ALDH5A1: variants seen among roughly 807,000 people sequenced by gnomAD.
The protein encoded by ALDH5A1 is aldehyde dehydrogenase 5 family member A1, also known as succinate-semialdehyde dehydrogenase, mitochondrial.
A neutral mutation model predicts 54.7 loss-of-function variants in ALDH5A1; 33 were observed. That is an observed-to-expected ratio of 0.60 (90% CI 0.46 to 0.81). ALDH5A1 has a LOEUF of 0.81. Ranked by LOEUF, ALDH5A1 falls within the 30% of genes least tolerant of loss-of-function variation. ALDH5A1 has a pLI of 0.00. For missense variants in ALDH5A1, 657 were observed against 711.0 expected, an observed-to-expected ratio of 0.92 and a Z score of 0.86; for synonymous variants, 294 against 292.7, an observed-to-expected ratio of 1.00 and a Z score of -0.05.
intron 4 of ALDH5A1, among the ~76,000 whole-genome samples, chr6:24,508,294 A>G (rs932829173): frequency 7.0e-6 from 1 of 142,860 alleles, no homozygotes; most frequent in Non-Finnish European, 1.5e-5. Context: ...ACTGAGAGGC[A>G]GAGGTTGCAG....
intron 1 of ALDH5A1, among the ~76,000 whole-genome samples, chr6:24,501,414 T>C (rs1405414406): frequency 6.6e-6 from 1 of 152,184 alleles, no homozygotes; most frequent in Non-Finnish European, 1.5e-5. Context: ...AAGAAAAGTA[T>C]AGTTTGGAGA....
rs1405099148 is a variant in ALDH5A1, at chr6:24,495,245, C to T, written c.249C>T (p.Ser83=). ...CCTTCCCCGTGCAAGACCCGGCCAG[C>T]GGCGCCGCTCTGGGCATGGTAGCCG... ...AATFPVQDPA[S]GAALGMVADC... Residue 83 remains serine (S), a synonymous_variant, in exon 1 of 10, where the codon AGC becomes AGT. Transcript: ENST00000357578. 2.0e-6 allele frequency: 3 copies of T among 1,524,290 alleles called. No homozygotes were observed. The highest frequency in any genetic ancestry group is 1.4e-5 in the African/African-American group (1 of 71,104). 94.4% of individuals were successfully genotyped at this position (1,524,290 alleles called of 1,614,324 possible). A position where few individuals can be genotyped will look rare whatever the true frequency, so the allele number is the denominator to read the frequency against.
At chr6:24,529,670 G>GTTTTTTTTTTTTTT (rs55878931) in intron 8 of ALDH5A1, among the ~76,000 whole-genome samples, 4 of 86,328 alleles carry the variant, frequency 4.6e-5, no homozygotes, top group Admixed American at 1.6e-4. Context: ...TTTGGTTTGG[G>GTTTTTTTTTTTTTT]TTTTTTTTTT....
Position 24,495,291 on chromosome 6 carries a change from C to G in ALDH5A1, c.295C>G (p.Arg99Gly), listed in dbSNP as rs1399698819. 1.3e-6 allele frequency: 2 copies of G among 1,532,522 alleles called. No individual in the cohort carries two copies. The highest frequency in any genetic ancestry group is 1.7e-6 in the Non-Finnish European group (2 of 1,146,242). The allele number at this position is 1,532,522 out of a possible 1,614,324, so 94.9% of individuals were successfully genotyped here. The change falls in exon 1 of 10, where the codon CGC becomes GGC. Residue 99 changes from arginine to glycine, a missense_variant. By Grantham distance (125) the Arg-to-Gly change is moderately radical. Around this residue, in one of 2 missense-constraint regions of ALDH5A1, gnomAD observed 232 missense variants for 194.6 expected, o/e 1.19. Coordinates refer to ENST00000357578, the MANE Select transcript of ALDH5A1 (RefSeq NM_001080.3). ...MVADCGVREA[R>G]AAVRAAYEAF... is the part of the protein sequence containing the mutation. ...AGCCGACTGCGGGGTGCGAGAGGCC[C>G]GCGCCGCCGTGCGCGCTGCCTACGA...
intron 9 of ALDH5A1, among the ~76,000 whole-genome samples, 193 bp downstream of exon 9, chr6:24,532,370 A>G (rs889083231): frequency 6.6e-6 from 1 of 152,196 alleles, no homozygotes; most frequent in African/African-American, 2.4e-5. Context: ...CCCATGATAC[A>G]CATTTGGGAG....
chr6:24,501,641 G>A (rs1764819830), intron 1 of ALDH5A1, among the ~76,000 whole-genome samples: 1 of 152,160 alleles, frequency 6.6e-6, no homozygotes. Context: ...AACCAAGGAA[G>A]CAGAGGTTGC....
intron 2 of ALDH5A1, 65 bp downstream of exon 2, chr6:24,502,671 G>A: frequency 7.9e-7 from 1 of 1,258,954 alleles, no homozygotes; most frequent in South Asian, 1.2e-5. Flanking sequence ...CTAAACTTGG[G>A]AAAGCCGCTG....
At chr6:24,528,213 A>G (rs1759860070) in intron 8 of ALDH5A1, 47 bp downstream of exon 8, 2 of 1,608,494 alleles carry the variant, frequency 1.2e-6, no homozygotes, top group Non-Finnish European at 1.7e-6. Flanking sequence ...AATAGAAGAG[A>G]ACATAGGAAA....
chr6:24,517,068 G>A (rs780868772), intron 5 of ALDH5A1, among the ~76,000 whole-genome samples: 4 of 152,008 alleles, frequency 2.6e-5, no homozygotes, highest in African/African-American at 4.8e-5. Flanking sequence ...GTGCAGTGGC[G>A]TGATCTTGGC....
chr6:24,528,261 C>A, intron 8 of ALDH5A1, 95 bp downstream of exon 8: 2 of 1,447,612 alleles, frequency 1.4e-6, no homozygotes, highest in Non-Finnish European at 1.9e-6. Flanking sequence ...GAGGTCTGGC[C>A]AGGAGGCAGA....
chr6:24,516,440 C>CA (rs34722994), intron 5 of ALDH5A1, among the ~76,000 whole-genome samples: 2,860 of 70,072 alleles, frequency 0.041, 201 homozygotes, highest in African/African-American at 0.093. Flanking sequence ...GACTCTGTCT[C>CA]AAAAAAAAAA....
At chr6:24,528,325 A>G (rs1759861879) in intron 8 of ALDH5A1, among the ~76,000 whole-genome samples, 159 bp downstream of exon 8, 1 of 152,180 alleles carries the variant, frequency 6.6e-6, no homozygotes, top group Non-Finnish European at 1.5e-5. Context: ...TTTTTAAAAA[A>G]ATCATAACTT....
intron 8 of ALDH5A1, among the ~76,000 whole-genome samples, chr6:24,530,081 A>T (rs1033446835): frequency 6.6e-6 from 1 of 152,178 alleles, no homozygotes; most frequent in African/African-American, 2.4e-5. Flanking sequence ...GTAGTCTATT[A>T]TTGTGATACT....
chr6:24,502,735 A>G (rs1759228977), intron 2 of ALDH5A1, 129 bp downstream of exon 2: 1 of 728,052 alleles, frequency 1.4e-6, no homozygotes, highest in Non-Finnish European at 2.5e-6. Flanking sequence ...TTCTCTACTG[A>G]TCAAATACCA....
chr6:24,509,067 G>A lies in ALDH5A1; in HGVS notation c.726+4082G>A, dbSNP rs957900321. Among the ~76,000 whole-genome samples, 4 of 152,154 alleles carry A rather than the reference G, an allele frequency of 2.6e-5. No homozygotes were observed. The highest frequency in any genetic ancestry group is 2.6e-4 in the Admixed American group (4 of 15,270). ...AAGACTTTCTCCTGCTCTGTGGGTT[G>A]TCTGTTTACTCTGCTGACTGTTCCT... On this transcript the variant is annotated intron_variant, in intron 4 of 9. Transcript: ENST00000357578. The surrounding 1 kb of genome is among the most constrained non-coding windows in gnomAD (Gnocchi z 4.7).
At chr6:24,528,191 G>T in intron 8 of ALDH5A1, 25 bp downstream of exon 8, 1 of 1,613,130 alleles carries the variant, frequency 6.2e-7, no homozygotes, top group Non-Finnish European at 8.5e-7. Context: ...CCAGCGGGGA[G>T]ATGGGAGGAA....
Position 24,503,295 on chromosome 6 carries a change from T to G in ALDH5A1, c.471T>G (p.Ile157Met), listed in dbSNP as rs751577009. ...GKPLKEAHGEILYSAFFLEWF... is the reference protein window; with the variant it reads ...GKPLKEAHGEMLYSAFFLEWF... Reference sequence around the variant, plus strand: ...CACTGAAGGAGGCACATGGAGAAATTCTCTATTCCGCCTTTTTCCTAGAGT... The same window carrying G: ...CACTGAAGGAGGCACATGGAGAAATGCTCTATTCCGCCTTTTTCCTAGAGT... Residue 157 changes from isoleucine (I) to methionine (M), a missense_variant, in exon 3 of 10, where the codon ATT becomes ATG. By Grantham distance (10) the Ile-to-Met change is conservative. This residue lies in a region of ALDH5A1 where 425 missense variants were observed against 516.4 expected (regional missense o/e 0.82). Transcript: ENST00000357578. The G allele has an allele frequency of 3.1e-6, 5 of 1,614,076 alleles. No homozygotes were observed. In the Admixed American group the frequency reaches 6.7e-5, roughly 22 times the overall value.
At chr6:24,531,839 G>A (rs1238023749) in intron 8 of ALDH5A1, among the ~76,000 whole-genome samples, 6 of 152,048 alleles carry the variant, frequency 3.9e-5, no homozygotes, top group Non-Finnish European at 7.4e-5. Flanking sequence ...AAGGGATTTT[G>A]TTTGATATTC....
chr6:24,528,102 A>G lies in ALDH5A1; in HGVS notation c.1279A>G (p.Asn427Asp). The stretch of plus-strand genomic sequence containing the variant: ...TTTCTTTGAGCCTACCCTGCTGTGC[A>G]ATGTCACCCAGGACATGCTGTGCAC... ...KNFFEPTLLCNVTQDMLCTHE... is the reference protein window; with the variant it reads ...KNFFEPTLLCDVTQDMLCTHE... The change falls in exon 8 of 10, where the codon AAT (asparagine) becomes GAT (aspartate). Residue 427 changes from asparagine to aspartate, a missense_variant. Asn to Asp is a conservative substitution (Grantham distance 23, BLOSUM62 1). This residue lies in a region of ALDH5A1 where 425 missense variants were observed against 516.4 expected (regional missense o/e 0.82). Transcript: ENST00000357578. 4.3e-6 allele frequency: 7 copies of G among 1,614,150 alleles called. No individual in the cohort carries two copies. Among genetic ancestry groups the G allele is most frequent in the Non-Finnish European group, 5.9e-6 (7 of 1,179,996 alleles).
Sources: gnomAD v4.1 joint callset for allele counts (sites outside exome capture counted in the v4.1 genomes callset) on GRCh38, gnomAD v4.1.1 for gene constraint, gnomAD v4.1.1 regional missense constraint, Gnocchi (gnomAD v3.1) non-coding constraint, MANE v1.5 for transcripts, NCBI Gene and HGNC (gene_info 2026-07-23, HGNC 2026-07-21) for gene names.